Variants in SPTBN1 observed in about 807,000 individuals in gnomAD.
SPTBN1 encodes the protein spectrin beta chain, non-erythrocytic 1.
Under a neutral mutation model 266.4 loss-of-function variants are expected in SPTBN1, and 32 were observed. That is an observed-to-expected ratio of 0.12 (90% CI 0.09 to 0.16). SPTBN1 has a LOEUF of 0.16. Among genes scored for constraint, SPTBN1 ranks in the 10% least tolerant of loss-of-function variants. The pLI is 1.00. For synonymous variants in SPTBN1, 1,336 were observed against 1,162.2 expected (o/e 1.15, Z -3.04); for missense variants, 2,296 against 3,067.1 (o/e 0.75, Z 5.94).
Position 54,628,027 on chromosome 2 carries a change from C to G in SPTBN1, c.1645-70C>G. 7 of 1,520,446 alleles carry G rather than the reference C, an allele frequency of 4.6e-6. 1 individual carries two copies. The South Asian group carries it at 7.9e-5, about 17-fold the overall frequency. 94.2% of individuals were successfully genotyped at this position (1,520,446 alleles called of 1,614,324 possible). ...GCTTCATTGCTGGCTCTCTGCTTGTCGAAAGATGATGTGATGCTGAAGTCA... is the reference window on the plus strand; with the variant it reads ...GCTTCATTGCTGGCTCTCTGCTTGTGGAAAGATGATGTGATGCTGAAGTCA... On this transcript the variant is annotated intron_variant, in intron 12 of 35. Transcript: ENST00000356805. The surrounding 1 kb of genome is among the most constrained non-coding windows in gnomAD (Gnocchi z 4.3).
intron 3 of SPTBN1, 91 bp from the exon 4 acceptor site, chr2:54,612,070 C>T: frequency 7.9e-7 from 1 of 1,265,498 alleles, no homozygotes; most frequent in Non-Finnish European, 1.1e-6. Flanking sequence ...GAGAGCATTG[C>T]ATGAATGGGC....
chr2:54,521,481 CA>C (rs1444695799), intron 1 of SPTBN1, among the ~76,000 whole-genome samples: 13 of 152,318 alleles, frequency 8.5e-5, no homozygotes, highest in African/African-American at 3.1e-4. Context: ...AAATTCTGGA[CA>C]CTTGAGTGAA....
intron 2 of SPTBN1, among the ~76,000 whole-genome samples, chr2:54,542,229 GGA>G (rs1401893948): frequency 6.6e-6 from 1 of 152,248 alleles, no homozygotes; most frequent in African/African-American, 2.4e-5. Context: ...TTTTCACAGA[GGA>G]GAGTTGTTGT....
intron 1 of SPTBN1, among the ~76,000 whole-genome samples, chr2:54,506,352 A>C (rs1669555032): frequency 6.6e-6 from 1 of 152,154 alleles, no homozygotes; most frequent in Non-Finnish European, 1.5e-5. Context: ...TAGAAATTTG[A>C]AGTTGCTTTT....
In SPTBN1 at chr2:54,630,056, G is replaced by A. The variant is rs758269754; in HGVS notation, c.2807+27G>A. On this transcript the variant is annotated intron_variant, in intron 15 of 35. Transcript: ENST00000356805. Reference sequence around the variant, plus strand: ...TGAGCACGTGGCCAGCAGTGTGCCAGCCTCCCACGTGTGGGACTGGGGAGG... The same window carrying A: ...TGAGCACGTGGCCAGCAGTGTGCCAACCTCCCACGTGTGGGACTGGGGAGG... 3.1e-6 allele frequency: 5 copies of A among 1,607,510 alleles called. No homozygotes were observed. In the East Asian group the frequency reaches 1.1e-4, roughly 36 times the overall value.
At position 54,576,074 on chromosome 2, in the gene SPTBN1, A is replaced by ATTTTTTTTTTTTT. The variant is rs1209132160; in HGVS notation, c.149-23018_149-23017insTTTTTTTTTTTTT. Among the ~76,000 whole-genome samples the ATTTTTTTTTTTTT allele has an allele frequency of 2.5e-3, 235 of 93,828 alleles. 44 individuals are homozygous for ATTTTTTTTTTTTT. Among genetic ancestry groups the ATTTTTTTTTTTTT allele is most frequent in the African/African-American group, 4.1e-3 (102 of 24,756 alleles). 61.6% of individuals were successfully genotyped at this position (93,828 alleles called of 152,430 possible). ...ATCCAGCTTTTTTTTTTTTTTTTTG[A>ATTTTTTTTTTTTT]GAGACAGTCTGGCTGTGTCTCCCAG... On this transcript the variant is annotated intron_variant, in intron 2 of 35. Transcript: ENST00000356805.
At chr2:54,493,203 G>A (rs566975506) in intron 1 of SPTBN1, among the ~76,000 whole-genome samples, 4 of 151,502 alleles carry the variant, frequency 2.6e-5, no homozygotes, top group Admixed American at 6.6e-5. Flanking sequence ...ATGGGGTTTC[G>A]CCATGTTGCC....
At chr2:54,605,537 G>A (rs1463300996) in intron 3 of SPTBN1, among the ~76,000 whole-genome samples, 1 of 152,212 alleles carries the variant, frequency 6.6e-6, no homozygotes, top group African/African-American at 2.4e-5. Flanking sequence ...TCAGTAAGTG[G>A]CAGCTATGAA....
intron 17 of SPTBN1, among the ~76,000 whole-genome samples, chr2:54,636,378 A>T (rs1679134918): frequency 6.6e-6 from 1 of 152,232 alleles, no homozygotes; most frequent in African/African-American, 2.4e-5. Flanking sequence ...ATATGATGTT[A>T]TAACATGTAA....
intron 17 of SPTBN1, among the ~76,000 whole-genome samples, chr2:54,635,161 A>T (rs189074445): frequency 6.6e-6 from 1 of 152,300 alleles, no homozygotes; most frequent in Non-Finnish European, 1.5e-5. Context: ...TGAGAGATGG[A>T]AAAGCACTCT....
intron 1 of SPTBN1, among the ~76,000 whole-genome samples, chr2:54,501,108 T>G (rs1669243160): frequency 6.6e-6 from 1 of 152,168 alleles, no homozygotes; most frequent in African/African-American, 2.4e-5. Flanking sequence ...TCGGGGCTCG[T>G]GGACTGTCCT....
At position 54,631,337 on chromosome 2, in the gene SPTBN1, C is replaced by T; in HGVS notation, c.3290C>T (p.Ala1097Val). The stretch of plus-strand genomic sequence containing the variant: ...GACATGCCAAACACCCTGACCGAGG[C>T]TGAGAAGCTGCTCACGCAGCACGAG... The part of the protein sequence containing the change: ...SEDMPNTLTE[A>V]EKLLTQHENI... Residue 1097 changes from alanine to valine, a missense_variant, in exon 16 of 36, where the codon GCT (alanine) becomes GTT (valine). Transcript: ENST00000356805. 6.2e-7 allele frequency: 1 copy of T among 1,614,274 alleles called. No individual in the cohort carries two copies. Among genetic ancestry groups the T allele is most frequent in the Non-Finnish European group, 8.5e-7 (1 of 1,180,056 alleles).
At chr2:54,666,375 A>C (rs1009409294) in intron 34 of SPTBN1, among the ~76,000 whole-genome samples, 3 of 152,230 alleles carry the variant, frequency 2.0e-5, no homozygotes, top group African/African-American at 7.2e-5. Context: ...AGACTTAAAG[A>C]GAGCTAGTCA....
At chr2:54,490,686 A>G (rs550993576) in intron 1 of SPTBN1, among the ~76,000 whole-genome samples, 49 of 152,324 alleles carry the variant, frequency 3.2e-4, no homozygotes, top group African/African-American at 1.1e-3. Context: ...AGTCTGGTCA[A>G]TAGGCATCTT....
chr2:54,545,890 T>C (rs1672209268), intron 2 of SPTBN1, among the ~76,000 whole-genome samples: 1 of 152,132 alleles, frequency 6.6e-6, no homozygotes, highest in South Asian at 2.1e-4. Flanking sequence ...TTTTTCCTGG[T>C]GGTTTCTGTG....
intron 2 of SPTBN1, among the ~76,000 whole-genome samples, chr2:54,573,261 A>G (rs1012713890): frequency 6.6e-6 from 1 of 152,144 alleles, no homozygotes; most frequent in East Asian, 1.9e-4. Context: ...TGTAGAAGAC[A>G]ATTTTTCCAC....
At chr2:54,624,470 T>G (rs997298479) in intron 10 of SPTBN1, among the ~76,000 whole-genome samples, 4 of 152,222 alleles carry the variant, frequency 2.6e-5, no homozygotes, top group African/African-American at 9.6e-5. Context: ...TTTATCTTTT[T>G]TATATGATCA....
chr2:54,613,043 C>T (rs913483981), intron 4 of SPTBN1, among the ~76,000 whole-genome samples: 5 of 152,180 alleles, frequency 3.3e-5, no homozygotes, highest in Non-Finnish European at 7.3e-5. Context: ...GATGACACAG[C>T]CAGCCAGGGC....
chr2:54,464,094 T>G (rs1008700696), intron 1 of SPTBN1, among the ~76,000 whole-genome samples: 1 of 152,232 alleles, frequency 6.6e-6, no homozygotes, highest in Non-Finnish European at 1.5e-5. Context: ...GAGCATATTT[T>G]GATTAATACA....
Sources: allele counts gnomAD v4.1 joint callset (sites outside exome capture counted in the v4.1 genomes callset), GRCh38; gene constraint gnomAD v4.1.1; non-coding constraint Gnocchi (gnomAD v3.1); transcripts MANE v1.5; gene names NCBI Gene and HGNC (gene_info 2026-07-23, HGNC 2026-07-21).